ANKS1B: variants seen among roughly 807,000 people sequenced by gnomAD.
ANKS1B encodes ankyrin repeat and sterile alpha motif domain containing 1B, also known as ankyrin repeat and sterile alpha motif domain-containing protein 1B.
A neutral mutation model predicts 148.3 loss-of-function variants in ANKS1B; 36 were observed. The observed-to-expected ratio is 0.24, with a 90% CI of 0.19 to 0.32. The LOEUF is 0.32. Ranked by LOEUF, ANKS1B falls within the 10% of genes least tolerant of loss-of-function variation. ANKS1B has a pLI of 1.00. For synonymous variants in ANKS1B, 542 were observed against 560.8 expected, an observed-to-expected ratio of 0.97 and a Z score of 0.47; for missense variants, 1,157 against 1,542.6, an observed-to-expected ratio of 0.75 and a Z score of 4.19.
intron 19 of ANKS1B, among the ~76,000 whole-genome samples, chr12:98,809,695 C>A (rs905433350): frequency 6.6e-6 from 1 of 152,050 alleles, no homozygotes; most frequent in East Asian, 1.9e-4. Context: ...TTCTACTGAC[C>A]CTGAAATGAA....
chr12:98,742,151 C>A (rs555689198), downstream of ANKS1B, among the ~76,000 whole-genome samples: 2 of 152,348 alleles, frequency 1.3e-5, no homozygotes, highest in East Asian at 3.9e-4. Flanking sequence ...AGTCTGTCAT[C>A]TGATACCCGC....
At chr12:99,415,658 G>A (rs1025323050) in intron 11 of ANKS1B, among the ~76,000 whole-genome samples, 4 of 152,102 alleles carry the variant, frequency 2.6e-5, no homozygotes, top group Non-Finnish European at 4.4e-5. Context: ...AAGAAACAGA[G>A]CAATTCCATC....
At chr12:99,069,432 A>G (rs945787369) in intron 16 of ANKS1B, among the ~76,000 whole-genome samples, 1 of 152,248 alleles carries the variant, frequency 6.6e-6, no homozygotes, top group African/African-American at 2.4e-5. Context: ...TTTACCTCTT[A>G]GTATTTAGAA....
At chr12:99,574,192 A>C (rs2097492430) in intron 9 of ANKS1B, among the ~76,000 whole-genome samples, 1 of 152,146 alleles carries the variant, frequency 6.6e-6, no homozygotes, top group South Asian at 2.1e-4. Context: ...TGTTACAGTT[A>C]CATCACAGTT....
chr12:99,669,700 T>G (rs2098527362), intron 8 of ANKS1B, among the ~76,000 whole-genome samples: 1 of 152,206 alleles, frequency 6.6e-6, no homozygotes, highest in African/African-American at 2.4e-5. Context: ...TGCAGATTGA[T>G]ATTCAACTGA....
At chr12:99,133,034 T>G (rs1236685936) in intron 15 of ANKS1B, among the ~76,000 whole-genome samples, 1 of 150,110 alleles carries the variant, frequency 6.7e-6, no homozygotes, top group Non-Finnish European at 1.5e-5. Flanking sequence ...TTTTTTTTTC[T>G]TTTTTTTCTT....
chr12:99,319,872 T>C (rs2084907266), intron 12 of ANKS1B, among the ~76,000 whole-genome samples: 1 of 152,246 alleles, frequency 6.6e-6, no homozygotes, highest in Admixed American at 6.5e-5. Context: ...CAGGAGCTCC[T>C]GTAAAGCAGG....
At chr12:99,836,539 CCTT>C (rs1224594143) in intron 1 of ANKS1B, among the ~76,000 whole-genome samples, 2 of 152,002 alleles carry the variant, frequency 1.3e-5, no homozygotes, top group Admixed American at 6.6e-5. Context: ...AAAAGTAACT[CCTT>C]GAGTTATAAT....
At chr12:99,349,988 A>G (rs1005523560) in intron 12 of ANKS1B, among the ~76,000 whole-genome samples, 1 of 152,046 alleles carries the variant, frequency 6.6e-6, no homozygotes, top group South Asian at 2.1e-4. Flanking sequence ...ACGTTTACCT[A>G]TTGATATGGT....
intron 12 of ANKS1B, among the ~76,000 whole-genome samples, chr12:99,370,498 A>G (rs1021260281): frequency 2.6e-5 from 4 of 152,176 alleles, no homozygotes; most frequent in African/African-American, 9.7e-5. Flanking sequence ...AGTTACTAGA[A>G]TCTCTTTAAA....
At chr12:98,895,737 T>C (rs1189165252) in intron 17 of ANKS1B, among the ~76,000 whole-genome samples, 1 of 152,186 alleles carries the variant, frequency 6.6e-6, no homozygotes, top group Non-Finnish European at 1.5e-5. Flanking sequence ...CCACCAAAGT[T>C]ACCATTGTAC....
chr12:99,431,068 G>T (rs1008483401), intron 11 of ANKS1B, among the ~76,000 whole-genome samples: 1 of 152,128 alleles, frequency 6.6e-6, no homozygotes, highest in African/African-American at 2.4e-5. Context: ...TTATTGAATT[G>T]AGTTCAATTA....
chr12:99,825,014 C>T (rs1453621581), intron 2 of ANKS1B, among the ~76,000 whole-genome samples: 1 of 152,038 alleles, frequency 6.6e-6, no homozygotes, highest in Non-Finnish European at 1.5e-5. Context: ...TGGTTTTATC[C>T]CATTCTCTCC....
chr12:98,846,672 T>C (rs1010887043), intron 17 of ANKS1B, among the ~76,000 whole-genome samples: 1 of 152,260 alleles, frequency 6.6e-6, no homozygotes, highest in Non-Finnish European at 1.5e-5. Flanking sequence ...AGCTAAAATG[T>C]GAACACATCA....
intron 1 of ANKS1B, among the ~76,000 whole-genome samples, chr12:99,877,847 A>G (rs2092220655): frequency 6.6e-6 from 1 of 152,126 alleles, no homozygotes; most frequent in South Asian, 2.1e-4. Flanking sequence ...TGCTTTGAGC[A>G]CAGGAGTTTG....
intron 9 of ANKS1B, among the ~76,000 whole-genome samples, chr12:99,618,722 C>T (rs984439373): frequency 5.3e-5 from 8 of 151,862 alleles, no homozygotes; most frequent in East Asian, 1.9e-4. Flanking sequence ...ACATTGTGAG[C>T]GCAAGACACC....
In ANKS1B at chr12:99,208,431, A is replaced by T. The variant is rs191494976; in HGVS notation, c.2419+35911T>A. ...TTGACCTTGAATTAACTTTGGGAAA[A>T]CCTCAAAGGACGTGTCTCTCACCTT... On this transcript the variant is annotated intron_variant, in intron 14 of 26. Transcript: ENST00000683438. Among the ~76,000 whole-genome samples the T allele has an allele frequency of 5.3e-3, 802 of 152,264 alleles. 13 individuals are homozygous for T. Among genetic ancestry groups the T allele is most frequent in the South Asian group, 0.048 (233 of 4,830 alleles).
At chr12:99,626,940 T>C (rs1052923397) in intron 9 of ANKS1B, among the ~76,000 whole-genome samples, 41 of 152,168 alleles carry the variant, frequency 2.7e-4, no homozygotes, top group African/African-American at 9.9e-4. Flanking sequence ...CCTTCTATTA[T>C]AAAATATGCA....
At chr12:99,362,247 C>T (rs1447069795) in intron 12 of ANKS1B, among the ~76,000 whole-genome samples, 1 of 152,000 alleles carries the variant, frequency 6.6e-6, no homozygotes, top group African/African-American at 2.4e-5. Flanking sequence ...ACCTTATACT[C>T]ACCGCCAACA....
Sources: allele counts gnomAD v4.1 joint callset (sites outside exome capture counted in the v4.1 genomes callset), GRCh38; gene constraint gnomAD v4.1.1; transcripts MANE v1.5; gene names NCBI Gene and HGNC (gene_info 2026-07-23, HGNC 2026-07-21).